Variants in RADIL observed in about 807,000 individuals in gnomAD.
RADIL encodes Rap associating with DIL domain, also known as ras-associating and dilute domain-containing protein.
RADIL carries 99 observed loss-of-function variants against 97.6 expected under a neutral mutation model. The observed-to-expected ratio is 1.01, with a 90% confidence interval of 0.86 to 1.20. The LOEUF is 1.20. Among genes scored for constraint, RADIL ranks in the 50% most tolerant of loss-of-function variants. The pLI, the probability that RADIL is intolerant of heterozygous loss-of-function variation, is 0.00. For missense variants in RADIL, 1,765 were observed against 1,498.9 expected, an observed-to-expected ratio of 1.18 and a Z score of -2.93; for synonymous variants, 803 against 691.8, an observed-to-expected ratio of 1.16 and a Z score of -2.52.
At chr7:4,811,946 C>A (rs1340394856) in intron 9 of RADIL, among the ~76,000 whole-genome samples, 2 of 152,112 alleles carry the variant, frequency 1.3e-5, no homozygotes, top group African/African-American at 4.8e-5. Context: ...ACAACCATAA[C>A]TCACTGAAAC....
chr7:4,830,407 G>C (rs1783106528), intron 5 of RADIL, among the ~76,000 whole-genome samples: 1 of 152,194 alleles, frequency 6.6e-6, no homozygotes, highest in Admixed American at 6.5e-5. Flanking sequence ...TGCCCCAGCA[G>C]CGTCTAGGGT....
At position 4,822,592 on chromosome 7, in the gene RADIL, C is replaced by T. The variant is rs760192404; in HGVS notation, c.1455-38G>A. The T allele has an allele frequency of 1.1e-5, 17 of 1,598,168 alleles. No homozygotes were observed. Among genetic ancestry groups the T allele is most frequent in the African/African-American group, 2.7e-5 (2 of 74,626 alleles). On this transcript the variant is annotated intron_variant, in intron 5 of 14. Coordinates refer to ENST00000399583, the MANE Select transcript of RADIL (RefSeq NM_018059.5). This position sits in a 1 kb window ranked among gnomAD's most constrained non-coding sequence, Gnocchi z 5.3. Reference sequence around the variant, plus strand: ...AAAGACTAAGAGTTACGCGGGGACCCGACCCTCAGGAGGCTGAATCTACCA... The same window carrying T: ...AAAGACTAAGAGTTACGCGGGGACCTGACCCTCAGGAGGCTGAATCTACCA...
Position 4,803,473 on chromosome 7 carries a change from C to T in RADIL, c.2499+73G>A, listed in dbSNP as rs989837885. 32 of 1,334,394 alleles carry T rather than the reference C, an allele frequency of 2.4e-5. 1 individual carries two copies. The highest frequency in any genetic ancestry group is 1.0e-4 in the Admixed American group (4 of 39,342). 82.7% of individuals were successfully genotyped at this position (1,334,394 alleles called of 1,614,324 possible). ...TGGGTGGCCCCCTCCCCGGGCACCTCGGGGCACGCTGGCTGGGTCCCCTCC... is the reference window on the plus strand; with the variant it reads ...TGGGTGGCCCCCTCCCCGGGCACCTTGGGGCACGCTGGCTGGGTCCCCTCC... On this transcript the variant is annotated intron_variant, in intron 11 of 14. Transcript: ENST00000399583.
chr7:4,835,604 G>A lies in RADIL; in HGVS notation c.784-365C>T, dbSNP rs78889036. On this transcript the variant is annotated intron_variant, in intron 3 of 14. Transcript: ENST00000399583. The surrounding 1 kb of genome is among the most constrained non-coding windows in gnomAD (Gnocchi z 5.8). ...ATCCCCAAAACTGTGTGGGAGCACT[G>A]CCGCCTGTGTGGGAGCACCACCCCC... Among the ~76,000 whole-genome samples the A allele has an allele frequency of 0.014, 2,067 of 151,980 alleles. 81 individuals carry two copies. The highest frequency in any genetic ancestry group is 0.081 in the Admixed American group (1,243 of 15,266).
Position 4,855,649 on chromosome 7 carries a change from A to G in RADIL, c.536-19044T>C, listed in dbSNP as rs13229830. On this transcript the variant is annotated intron_variant, in intron 2 of 14. Transcript: ENST00000399583. ...AAAAAAAAAAAAAAAAAAAAAAAAG[A>G]AATGCCTCTCTGGTCTCATATTGTA... Among the ~76,000 whole-genome samples the G allele has an allele frequency of 8.4e-5, 12 of 142,784 alleles. No individual in the cohort carries two copies. The South Asian group carries it at 2.5e-3, about 29-fold the overall frequency. 93.7% of individuals were successfully genotyped at this position (142,784 alleles called of 152,430 possible). A position where few individuals can be genotyped will look rare whatever the true frequency, so the allele number is the denominator to read the frequency against.
At chr7:4,860,315 G>A in intron 2 of RADIL, 3 of 1,613,978 alleles carry the variant, frequency 1.9e-6, no homozygotes, top group Non-Finnish European at 2.5e-6. Flanking sequence ...CACATGATGA[G>A]GCAGCAGCTG....
Position 4,854,658 on chromosome 7 carries a change from C to G in RADIL, c.536-18053G>C, listed in dbSNP as rs1783785476. Among the ~76,000 whole-genome samples the G allele has an allele frequency of 6.6e-6, 1 of 152,192 alleles. No individual in the cohort carries two copies. Among genetic ancestry groups the G allele is most frequent in the Non-Finnish European group, 1.5e-5 (1 of 68,028 alleles). ...GCAGTGAGCCGAGATGGCGCCACCG[C>G]ACTCCACCCTGGGCGACAGAGCGAG... On this transcript the variant is annotated intron_variant, in intron 2 of 14. Coordinates refer to ENST00000399583, the MANE Select transcript of RADIL (RefSeq NM_018059.5). This position sits in a 1 kb window ranked among gnomAD's most constrained non-coding sequence, Gnocchi z 5.1.
At position 4,872,794 on chromosome 7, in the gene RADIL, C is replaced by T. The variant is rs1784284689; in HGVS notation, c.535+4811G>A. ...AGCAGTGAACTAAGTGATGAGTGAA[C>T]CGGCAGGAAGCGCCTGGCTGACACC... On this transcript the variant is annotated intron_variant, in intron 2 of 14. Coordinates refer to ENST00000399583, the MANE Select transcript of RADIL (RefSeq NM_018059.5). This position sits in a 1 kb window ranked among gnomAD's most constrained non-coding sequence, Gnocchi z 5.8. Among the ~76,000 whole-genome samples, 1 of 152,182 alleles carries T rather than the reference C, an allele frequency of 6.6e-6. No individual in the cohort carries two copies. The highest frequency in any genetic ancestry group is 2.1e-4 in the South Asian group (1 of 4,820).
At chr7:4,871,206 G>C (rs1220518597) in intron 2 of RADIL, among the ~76,000 whole-genome samples, 2 of 152,252 alleles carry the variant, frequency 1.3e-5, no homozygotes, top group Non-Finnish European at 2.9e-5. Flanking sequence ...TTAAGTGGCA[G>C]TGAGTTATTC....
chr7:4,802,693 ACGC>A (rs1782143966), intron 11 of RADIL, among the ~76,000 whole-genome samples: 1 of 96,880 alleles, frequency 1.0e-5, no homozygotes, highest in Admixed American at 1.1e-4. Context: ...ACCTCGGGGC[ACGC>A]TGGCTGGGTC....
chr7:4,865,383 C>T (rs1784108849), intron 2 of RADIL: 6 of 609,166 alleles, frequency 9.8e-6, no homozygotes, highest in African/African-American at 3.7e-5. Flanking sequence ...TTGTTGTTCC[C>T]AAGTTTTATT....
intron 2 of RADIL, among the ~76,000 whole-genome samples, chr7:4,866,152 A>G (rs931306240): frequency 1.3e-5 from 2 of 152,064 alleles, no homozygotes; most frequent in African/African-American, 2.4e-5. Context: ...GTGTGCATGT[A>G]TGTGTGTTTT....
chr7:4,850,416 C>T (rs1056490063), intron 2 of RADIL, among the ~76,000 whole-genome samples: 4 of 152,172 alleles, frequency 2.6e-5, no homozygotes, highest in Non-Finnish European at 5.9e-5. Flanking sequence ...AGAAGAGATT[C>T]TGCAGATATA....
In RADIL at chr7:4,867,605, C is replaced by A. The variant is rs1243149543; in HGVS notation, c.535+10000G>T. ...AGACCAGTCTGGCAACATAGTGAGG[C>A]CCTGTCTCTATTTTTAAAATAAATA... is the stretch of plus-strand genomic sequence containing the variant. On this transcript the variant is annotated intron_variant, in intron 2 of 14. Transcript: ENST00000399583. The surrounding 1 kb of genome is among the most constrained non-coding windows in gnomAD (Gnocchi z 4.1). Among the ~76,000 whole-genome samples, 1 of 151,300 alleles carries A rather than the reference C, an allele frequency of 6.6e-6. No homozygotes were observed. The highest frequency in any genetic ancestry group is 1.5e-5 in the Non-Finnish European group (1 of 67,920).
In RADIL at chr7:4,835,032, C is replaced by T. The variant is rs764623431; in HGVS notation, c.991G>A (p.Glu331Lys). 5.0e-6 allele frequency: 8 copies of T among 1,610,558 alleles called. No homozygotes were observed. The highest frequency in any genetic ancestry group is 1.1e-5 in the South Asian group (1 of 90,638). Residue 331 changes from glutamate to lysine, a missense_variant, in exon 4 of 15, where the codon GAG becomes AAG. Transcript: ENST00000399583. The surrounding 1 kb of genome is among the most constrained non-coding windows in gnomAD (Gnocchi z 5.8). ...AGCACCACGGTCCTGTGCCCCACCT[C>T]GGAGAAGTTGACGGAGATGTGCGCC... ...PGAHISVNFS[E>K]VGHRTVVLHH...
At chr7:4,860,895 T>C in intron 2 of RADIL, 1 of 1,614,206 alleles carries the variant, frequency 6.2e-7, no homozygotes, top group South Asian at 1.1e-5. Flanking sequence ...TCACTGGGAT[T>C]TACTCTTGGG....
rs1262242072 is a variant in RADIL, at chr7:4,813,859, A to G, written c.2139+1419T>C. On this transcript the variant is annotated intron_variant, in intron 9 of 14. Transcript: ENST00000399583. The surrounding 1 kb of genome is among the most constrained non-coding windows in gnomAD (Gnocchi z 5.0). ...TCTTCTGTTTTAGCCCCATCTTGAC[A>G]TCGGTGTCCAGAGGTACCTGGTGCC... 6.6e-6 allele frequency among the ~76,000 whole-genome samples: 1 copy of G among 151,986 alleles called. No homozygotes were observed. The highest frequency in any genetic ancestry group is 1.5e-5 in the Non-Finnish European group (1 of 67,992).
In RADIL at chr7:4,876,975, G is replaced by C. The variant is rs139544340; in HGVS notation, c.535+630C>G. On this transcript the variant is annotated intron_variant, in intron 2 of 14. Coordinates refer to ENST00000399583, the MANE Select transcript of RADIL (RefSeq NM_018059.5). ...AAGGTCGCAGGTGCTAAAGGACTTG[G>C]AGGGACCCTGTATTTAACAAGGCGT... Among the ~76,000 whole-genome samples, 106 of 152,352 alleles carry C rather than the reference G, an allele frequency of 7.0e-4. 1 individual carries two copies. Among genetic ancestry groups the C allele is most frequent in the Middle Eastern group, 3.4e-3 (1 of 294 alleles).
chr7:4,809,455 G>T lies in RADIL; in HGVS notation c.2140-3739C>A, dbSNP rs924997973. ...GAAACCACACATCTGACACGCACAA[G>T]CCAACGAATTTCCCCCGAGGAACAC... On this transcript the variant is annotated intron_variant, in intron 9 of 14. Coordinates refer to ENST00000399583, the MANE Select transcript of RADIL (RefSeq NM_018059.5). 5.1e-6 allele frequency: 5 copies of T among 985,406 alleles called. No individual in the cohort carries two copies. In the South Asian group the frequency reaches 2.3e-4, roughly 46 times the overall value. The allele number at this position is 985,406 out of a possible 1,614,324, so 61.0% of individuals were successfully genotyped here.
Sources: allele counts gnomAD v4.1 joint callset (sites outside exome capture counted in the v4.1 genomes callset), GRCh38; gene constraint gnomAD v4.1.1; non-coding constraint Gnocchi (gnomAD v3.1); transcripts MANE v1.5; gene names NCBI Gene and HGNC (gene_info 2026-07-23, HGNC 2026-07-21).